Variants in FZD3 observed in about 807,000 individuals in gnomAD.
The protein encoded by FZD3 is frizzled class receptor 3.
Under a neutral mutation model 60.7 loss-of-function variants are expected in FZD3, and 30 were observed. That is an observed-to-expected ratio of 0.49 (90% confidence interval 0.37 to 0.67). The LOEUF (loss-of-function observed/expected upper bound fraction) is 0.67. Ranked by LOEUF, FZD3 falls within the 30% of genes least tolerant of loss-of-function variation. The probability of loss-of-function intolerance (pLI) is 0.00; values close to 1 mark genes in which losing one functional copy is unlikely to be tolerated. For synonymous variants in FZD3, 246 were observed against 275.2 expected, an observed-to-expected ratio of 0.89 and a Z score of 1.05; for missense variants, 605 against 838.7, an observed-to-expected ratio of 0.72 and a Z score of 3.44.
At chr8:28,557,681 G>A (rs904529956) in intron 7 of FZD3, among the ~76,000 whole-genome samples, 9 of 152,152 alleles carry the variant, frequency 5.9e-5, no homozygotes, top group Non-Finnish European at 8.8e-5. Context: ...CCTTGAAAGT[G>A]TAGTCTTTTT....
rs1387824370 is a variant in FZD3 at position 28,571,650 on chromosome 8, T to A, written c.*8639T>A. On this transcript the variant is annotated 3_prime_UTR_variant, in exon 8 of 8. Coordinates refer to ENST00000240093, the MANE Select transcript of FZD3 (RefSeq NM_017412.4). The stretch of plus-strand genomic sequence containing the variant: ...CAACTTCCAACAACTTTTCTGCTTT[T>A]ATTTTCAAATGTCAAATTGTATTTT... 1.3e-5 allele frequency: 2 copies of A among 152,220 alleles called. No individual in the cohort carries two copies. Among genetic ancestry groups the A allele is most frequent in the Non-Finnish European group, 2.9e-5 (2 of 68,032 alleles). The allele number at this position is 152,220 out of a possible 1,614,324, so 9.4% of individuals were successfully genotyped here. A position where few individuals can be genotyped will look rare whatever the true frequency, so the allele number is the denominator to read the frequency against.
intron 5 of FZD3, among the ~76,000 whole-genome samples, chr8:28,544,529 AT>A (rs1233748263): frequency 6.6e-6 from 1 of 152,218 alleles, no homozygotes; most frequent in African/African-American, 2.4e-5. Flanking sequence ...GTTGATATCT[AT>A]CATAATATAA....
At chr8:28,507,050 G>A (rs1804160148) in intron 3 of FZD3, among the ~76,000 whole-genome samples, 3 of 151,994 alleles carry the variant, frequency 2.0e-5, no homozygotes, top group East Asian at 1.9e-4. Flanking sequence ...ATATACCTCC[G>A]AAAAGTAAGG....
chr8:28,498,865 A>G (rs1412890355), intron 1 of FZD3, among the ~76,000 whole-genome samples: 3 of 152,236 alleles, frequency 2.0e-5, no homozygotes, highest in Admixed American at 6.5e-5. Context: ...GTGCCCAGCC[A>G]GGAATGTTTA....
Position 28,522,959 on chromosome 8 carries a change from G to A in FZD3, c.386+2125G>A, listed in dbSNP as rs1008044934. Among the ~76,000 whole-genome samples, 8 of 151,802 alleles carry A rather than the reference G, an allele frequency of 5.3e-5. No homozygotes were observed. In the East Asian group the frequency reaches 5.8e-4, roughly 11 times the overall value. On this transcript the variant is annotated intron_variant, in intron 4 of 7. Coordinates refer to ENST00000240093, the MANE Select transcript of FZD3 (RefSeq NM_017412.4). Reference sequence around the variant, plus strand: ...TAATTTTTGCATTTTTGGTAGAGACGGGGTTTCACCACGTTGGCCAGGCTG... The same window carrying A: ...TAATTTTTGCATTTTTGGTAGAGACAGGGTTTCACCACGTTGGCCAGGCTG...
chr8:28,532,249 A>G (rs1481742707), intron 5 of FZD3, among the ~76,000 whole-genome samples: 2 of 152,140 alleles, frequency 1.3e-5, no homozygotes, highest in Non-Finnish European at 2.9e-5. Context: ...GCTCTTCTGT[A>G]TGAATTTTAA....
Position 28,551,716 on chromosome 8 carries a change from A to G in FZD3, c.1518A>G (p.Glu506=). ...FWVGSKKTCF[E]WASFFHGRRK... Reference sequence around the variant, plus strand: ...TTGGAAGCAAAAAGACATGCTTTGAATGGGCCAGTTTTTTTCATGGTCGTA... The same window carrying G: ...TTGGAAGCAAAAAGACATGCTTTGAGTGGGCCAGTTTTTTTCATGGTCGTA... The change falls in exon 6 of 8, where the codon GAA becomes GAG. Residue 506 remains glutamate (E), a synonymous_variant. Coordinates refer to ENST00000240093, the MANE Select transcript of FZD3 (RefSeq NM_017412.4). The G allele has an allele frequency of 6.2e-7, 1 of 1,612,022 alleles. No individual in the cohort carries two copies.
chr8:28,503,219 T>A lies in FZD3; in HGVS notation c.189+17T>A. The A allele has an allele frequency of 3.2e-6, 5 of 1,542,118 alleles. No individual in the cohort carries two copies. Among genetic ancestry groups the A allele is most frequent in the Non-Finnish European group, 4.5e-6 (5 of 1,117,576 alleles). On this transcript the variant is annotated intron_variant, in intron 3 of 7. Transcript: ENST00000240093. ...GCAATGGAGGTAAGACTTGATCTAT[T>A]CTTTGACGTATCTTAGTAAATGACT...
chr8:28,534,070 T>C (rs1804948653), intron 5 of FZD3, among the ~76,000 whole-genome samples: 1 of 152,246 alleles, frequency 6.6e-6, no homozygotes, highest in Admixed American at 6.5e-5. Context: ...GCTTCATTCC[T>C]GCCATTCAAA....
At chr8:28,519,233 C>G (rs1804509335) in intron 3 of FZD3, among the ~76,000 whole-genome samples, 1 of 152,108 alleles carries the variant, frequency 6.6e-6, no homozygotes, top group Non-Finnish European at 1.5e-5. Context: ...AGCAATGACT[C>G]AAACTATTAT....
intron 5 of FZD3, among the ~76,000 whole-genome samples, chr8:28,539,824 C>T (rs1805115924): frequency 6.7e-6 from 1 of 150,018 alleles, no homozygotes; most frequent in Admixed American, 6.7e-5. Context: ...GTCTCAAAAA[C>T]AAGTATTGAA....
At chr8:28,553,556 T>C (rs960441370) in intron 6 of FZD3, among the ~76,000 whole-genome samples, 8 of 152,192 alleles carry the variant, frequency 5.3e-5, no homozygotes, top group African/African-American at 1.9e-4. Context: ...AAACTGAAGT[T>C]TTCCTTATAG....
chr8:28,550,481 C>CTT (rs386412443), intron 5 of FZD3, among the ~76,000 whole-genome samples: 349 of 34,340 alleles, frequency 0.01, 11 homozygotes, highest in African/African-American at 0.022. Context: ...CTTCTTTTAT[C>CTT]TTTTTTTTTT....
At chr8:28,500,550 G>A (rs962829027) in intron 2 of FZD3, among the ~76,000 whole-genome samples, 12 of 152,092 alleles carry the variant, frequency 7.9e-5, no homozygotes, top group Admixed American at 6.5e-4. Context: ...TATTCAACAG[G>A]GAGTAATGTT....
chr8:28,539,012 A>ACT (rs1424089522), intron 5 of FZD3, among the ~76,000 whole-genome samples: 2 of 151,964 alleles, frequency 1.3e-5, no homozygotes, highest in Non-Finnish European at 2.9e-5. Flanking sequence ...TTTAGTTCTT[A>ACT]CTCTCTCGTC....
In FZD3 at chr8:28,573,614, C is replaced by G. The variant is rs184898022; in HGVS notation, c.*10603C>G. 6.6e-6 allele frequency: 1 copy of G among 150,638 alleles called. No homozygotes were observed. Among genetic ancestry groups the G allele is most frequent in the Admixed American group, 6.7e-5 (1 of 15,004 alleles). 9.3% of individuals were successfully genotyped at this position (150,638 alleles called of 1,614,324 possible). On this transcript the variant is annotated 3_prime_UTR_variant, in exon 8 of 8. Transcript: ENST00000240093. Reference sequence around the variant, plus strand: ...CCTGAAGCATCCTAGATCTCCTTCACCCTCATTCTACCTGACAGACAGCTA... The same window carrying G: ...CCTGAAGCATCCTAGATCTCCTTCAGCCTCATTCTACCTGACAGACAGCTA...
chr8:28,502,055 A>G (rs1223246738), intron 2 of FZD3, among the ~76,000 whole-genome samples: 1 of 152,186 alleles, frequency 6.6e-6, no homozygotes, highest in Non-Finnish European at 1.5e-5. Context: ...TTTTGCATAC[A>G]TTATCTTATG....
At position 28,568,160 on chromosome 8, in the gene FZD3, A is replaced by G. The variant is rs1197389587; in HGVS notation, c.*5149A>G. On this transcript the variant is annotated 3_prime_UTR_variant, in exon 8 of 8. Transcript: ENST00000240093. ...TCACAAAGGATAGCATTTTTATGGA[A>G]CCTAGATTTACAAAGGAACTTGTGA... is the stretch of plus-strand genomic sequence containing the variant. 1.3e-5 allele frequency: 2 copies of G among 152,146 alleles called. No individual in the cohort carries two copies. The highest frequency in any genetic ancestry group is 2.9e-5 in the Non-Finnish European group (2 of 68,000). 9.4% of individuals were successfully genotyped at this position (152,146 alleles called of 1,614,324 possible).
chr8:28,513,404 G>A (rs1804340655), intron 3 of FZD3, among the ~76,000 whole-genome samples: 16 of 152,136 alleles, frequency 1.1e-4, no homozygotes, highest in Admixed American at 1.0e-3. Flanking sequence ...CCGTGATAAT[G>A]AGAAATTTCT....
Sources: gnomAD v4.1 joint callset for allele counts (sites outside exome capture counted in the v4.1 genomes callset) on GRCh38, gnomAD v4.1.1 for gene constraint, MANE v1.5 for transcripts, NCBI Gene and HGNC (gene_info 2026-07-23, HGNC 2026-07-21) for gene names.